Variants in IMPG2 observed in about 807,000 individuals in gnomAD.
IMPG2 encodes interphotoreceptor matrix proteoglycan 2.
IMPG2 carries 91 observed loss-of-function variants against 129.2 expected under a neutral mutation model. The ratio of observed to expected loss-of-function variants is 0.70; its 90% CI spans 0.59 to 0.84. IMPG2 has a LOEUF of 0.84. Ranked by LOEUF, IMPG2 falls within the 40% of genes least tolerant of loss-of-function variation. The pLI is 0.00. For synonymous variants in IMPG2, 510 were observed against 517.7 expected, an observed-to-expected ratio of 0.99 and a Z score of 0.20; for missense variants, 1,430 against 1,461.7, an observed-to-expected ratio of 0.98 and a Z score of 0.35.
At chr3:101,258,323 A>G (rs896210333) in intron 9 of IMPG2, among the ~76,000 whole-genome samples, 3 of 152,122 alleles carry the variant, frequency 2.0e-5, no homozygotes, top group Non-Finnish European at 4.4e-5. Context: ...CTAATATGAC[A>G]GTTCTTTCAG....
chr3:101,298,934 C>T (rs1331191261), intron 3 of IMPG2, among the ~76,000 whole-genome samples: 1 of 152,096 alleles, frequency 6.6e-6, no homozygotes, highest in East Asian at 1.9e-4. Context: ...CCTGAATTTG[C>T]ATGTTGGCCT....
intron 14 of IMPG2, among the ~76,000 whole-genome samples, chr3:101,240,714 G>A (rs1706397548): frequency 6.6e-6 from 1 of 152,178 alleles, no homozygotes; most frequent in South Asian, 2.1e-4. Flanking sequence ...ACATGACAAA[G>A]AATGTGCAAA....
intron 10 of IMPG2, among the ~76,000 whole-genome samples, chr3:101,257,048 T>A (rs1025504269): frequency 1.3e-5 from 2 of 152,060 alleles, no homozygotes; most frequent in Non-Finnish European, 2.9e-5. Context: ...GAATTTAAAG[T>A]CAGTATTGAA....
intron 3 of IMPG2, among the ~76,000 whole-genome samples, chr3:101,295,675 T>A (rs1707071902): frequency 6.6e-6 from 1 of 152,244 alleles, no homozygotes. Flanking sequence ...ATGATATTGT[T>A]TCTTCCTATT....
At chr3:101,242,098 GGA>G (rs143913320) in intron 14 of IMPG2, among the ~76,000 whole-genome samples, 12 of 150,452 alleles carry the variant, frequency 8.0e-5, no homozygotes, top group Non-Finnish European at 1.0e-4. Flanking sequence ...TTACATTTAT[GGA>G]GAGAGAGAGA....
intron 2 of IMPG2, among the ~76,000 whole-genome samples, chr3:101,308,681 C>T (rs1707231092): frequency 6.6e-6 from 1 of 152,256 alleles, no homozygotes; most frequent in South Asian, 2.1e-4. Context: ...ACATTTTCCC[C>T]ATTGTCTTGG....
intron 7 of IMPG2, among the ~76,000 whole-genome samples, chr3:101,272,414 C>T (rs1216692599): frequency 6.6e-6 from 1 of 152,148 alleles, no homozygotes; most frequent in Non-Finnish European, 1.5e-5. Context: ...AGGCCCAGAA[C>T]CTTCAACACC....
Position 101,224,559 on chromosome 3 carries a change from A to G in IMPG2, c.*2410T>C, listed in dbSNP as rs940965700. ...ACATGCCATTAAATCACCTTCGAGG[A>G]AGGTCTTTTAGAAAGAAGCTCTTTA... On this transcript the variant is annotated 3_prime_UTR_variant, in exon 19 of 19. Coordinates refer to ENST00000193391, the MANE Select transcript of IMPG2 (RefSeq NM_016247.4). 4 of 152,182 alleles carry G rather than the reference A, an allele frequency of 2.6e-5. No individual in the cohort carries two copies. The highest frequency in any genetic ancestry group is 9.7e-5 in the African/African-American group (4 of 41,450). 9.4% of individuals were successfully genotyped at this position (152,182 alleles called of 1,614,324 possible). A position where few individuals can be genotyped will look rare whatever the true frequency, so the allele number is the denominator to read the frequency against.
At chr3:101,284,963 G>A (rs1339970768) in intron 4 of IMPG2, among the ~76,000 whole-genome samples, 1 of 152,058 alleles carries the variant, frequency 6.6e-6, no homozygotes, top group East Asian at 1.9e-4. Flanking sequence ...TGCTGACATT[G>A]CTAGAATGTC....
chr3:101,302,611 G>A (rs1267249432), intron 3 of IMPG2, among the ~76,000 whole-genome samples: 1 of 152,110 alleles, frequency 6.6e-6, no homozygotes, highest in African/African-American at 2.4e-5. Flanking sequence ...TCTGTAAAAT[G>A]GGGACATTAC....
chr3:101,242,276 G>C (rs781515442), intron 14 of IMPG2, among the ~76,000 whole-genome samples: 2 of 152,128 alleles, frequency 1.3e-5, no homozygotes, highest in Non-Finnish European at 2.9e-5. Flanking sequence ...GAGATGTTTG[G>C]TCTGCATATA....
intron 4 of IMPG2, among the ~76,000 whole-genome samples, chr3:101,289,356 T>C (rs1217601728): frequency 6.6e-6 from 1 of 152,080 alleles, no homozygotes; most frequent in Non-Finnish European, 1.5e-5. Flanking sequence ...TTACCTTGAG[T>C]TATTTAAACT....
Position 101,245,937 on chromosome 3 carries a change from T to C in IMPG2, c.1408A>G (p.Met470Val). 2 of 1,614,156 alleles carry C rather than the reference T, an allele frequency of 1.2e-6. No homozygotes were observed. The highest frequency in any genetic ancestry group is 1.7e-6 in the Non-Finnish European group (2 of 1,180,014). Residue 470 changes from methionine to valine, a missense_variant, in exon 12 of 19, where the codon ATG becomes GTG. Transcript: ENST00000193391. Reference sequence around the variant, plus strand: ...ACCTCTGGGGAAGAGCTGAGGCCCATCTTCGAGGGAAAGGCTAATTTGTGT... The same window carrying C: ...ACCTCTGGGGAAGAGCTGAGGCCCACCTTCGAGGGAAAGGCTAATTTGTGT... The part of the protein sequence containing the change: ...STHKLAFPSK[M>V]GLSSSPEVLE...
At chr3:101,299,604 GT>G (rs1707118687) in intron 3 of IMPG2, among the ~76,000 whole-genome samples, 1 of 152,114 alleles carries the variant, frequency 6.6e-6, no homozygotes, top group Non-Finnish European at 1.5e-5. Context: ...TGTTGATGCT[GT>G]TGTTGTTGTT....
chr3:101,231,465 C>A (rs1050529675), intron 15 of IMPG2, among the ~76,000 whole-genome samples: 3 of 152,314 alleles, frequency 2.0e-5, no homozygotes, highest in Admixed American at 1.3e-4. Context: ...AAGTGACTGG[C>A]ATTAGGCCAT....
At chr3:101,229,691 C>T (rs1030339210) in intron 16 of IMPG2, 101 bp from the exon 17 acceptor site, 5 of 977,828 alleles carry the variant, frequency 5.1e-6, no homozygotes, top group African/African-American at 1.6e-5. Context: ...AAAACAGGTG[C>T]ACTTTACACA....
intron 8 of IMPG2, among the ~76,000 whole-genome samples, chr3:101,269,063 G>A (rs537312724): frequency 2.7e-4 from 41 of 152,290 alleles, no homozygotes; most frequent in Admixed American, 4.6e-4. Context: ...GGGAATAAAT[G>A]TCTTTAAAAG....
At chr3:101,290,074 T>A (rs973805969) in intron 4 of IMPG2, among the ~76,000 whole-genome samples, 4 of 151,896 alleles carry the variant, frequency 2.6e-5, no homozygotes, top group African/African-American at 9.7e-5. Flanking sequence ...ATCGAGCCAA[T>A]AGACTGTGAA....
Position 101,276,673 on chromosome 3 carries a change from T to C in IMPG2, c.574A>G (p.Thr192Ala), listed in dbSNP as rs1408737833. 1.2e-6 allele frequency: 2 copies of C among 1,607,492 alleles called. No homozygotes were observed. The highest frequency in any genetic ancestry group is 1.7e-6 in the Non-Finnish European group (2 of 1,174,388). ...SSPVPVGDTS[T>A]LGDTTLSVPH... Reference sequence around the variant, plus strand: ...AGACACAAAAGTATACCTCCCAATGTTGAAGTATCACCAACAGGAACTGGA... The same window carrying C: ...AGACACAAAAGTATACCTCCCAATGCTGAAGTATCACCAACAGGAACTGGA... Residue 192 changes from threonine (T) to alanine (A), a missense_variant, in exon 5 of 19, where the codon ACA becomes GCA. Transcript: ENST00000193391.
Sources: gnomAD v4.1 joint callset for allele counts (sites outside exome capture counted in the v4.1 genomes callset) on GRCh38, gnomAD v4.1.1 for gene constraint, MANE v1.5 for transcripts, NCBI Gene and HGNC (gene_info 2026-07-23, HGNC 2026-07-21) for gene names.